SNAP25: variants seen among roughly 807,000 people sequenced by gnomAD.
SNAP25 encodes the protein synaptosome associated protein 25, also known as synaptosomal-associated protein 25.
Under a neutral mutation model 28.7 loss-of-function variants are expected in SNAP25, and 3 were observed. The observed-to-expected ratio is 0.10, with a 90% CI of 0.05 to 0.27. The LOEUF (loss-of-function observed/expected upper bound fraction) is 0.27. Among genes scored for constraint, SNAP25 ranks in the 10% least tolerant of loss-of-function variants. The probability of loss-of-function intolerance (pLI) is 1.00; values close to 1 mark genes in which losing one functional copy is unlikely to be tolerated. For synonymous variants in SNAP25, 61 were observed against 88.1 expected (o/e 0.69, Z 1.72); for missense variants, 117 against 278.7 (o/e 0.42, Z 4.13).
chr20:10,288,187 T>TA (rs1026589147), intron 4 of SNAP25, among the ~76,000 whole-genome samples: 3 of 151,872 alleles, frequency 2.0e-5, no homozygotes, highest in African/African-American at 7.2e-5. Context: ...ATTTAAAAAA[T>TA]AAATAAATAA....
chr20:10,227,512 A>G (rs1428880064), intron 1 of SNAP25, among the ~76,000 whole-genome samples: 2 of 152,150 alleles, frequency 1.3e-5, no homozygotes, highest in African/African-American at 4.8e-5. Context: ...ACCCTTGCAC[A>G]TAGATTCATC....
intron 1 of SNAP25, among the ~76,000 whole-genome samples, chr20:10,229,489 T>G (rs1347292288): frequency 3.9e-5 from 6 of 152,166 alleles, no homozygotes; most frequent in Admixed American, 1.3e-4. Context: ...GCAGAATCTG[T>G]GCTCCTAAGC....
At chr20:10,272,220 A>C (rs1893605635) in intron 1 of SNAP25, among the ~76,000 whole-genome samples, 1 of 152,202 alleles carries the variant, frequency 6.6e-6, no homozygotes, top group African/African-American at 2.4e-5. Context: ...CCTTTTTTAC[A>C]AAAAATGTTG....
intron 1 of SNAP25, among the ~76,000 whole-genome samples, chr20:10,256,702 C>A (rs1291304655): frequency 6.6e-6 from 1 of 151,930 alleles, no homozygotes; most frequent in Non-Finnish European, 1.5e-5. Flanking sequence ...TAAATATGTT[C>A]ATGATAGCCT....
At chr20:10,263,568 C>G (rs2063457354) in intron 1 of SNAP25, among the ~76,000 whole-genome samples, 1 of 152,126 alleles carries the variant, frequency 6.6e-6, no homozygotes, top group South Asian at 2.1e-4. Flanking sequence ...TGTCTGTTCA[C>G]GCACTCCTGA....
At chr20:10,236,310 C>T in intron 1 of SNAP25, among the ~76,000 whole-genome samples, 1 of 152,294 alleles carries the variant, frequency 6.6e-6, no homozygotes, top group East Asian at 1.9e-4. Flanking sequence ...ACCCAGGTAT[C>T]TGATCAATTC....
Position 10,277,690 on chromosome 20 carries a change from G to A in SNAP25, c.78G>A (p.Leu26=). ...GTTTGTTTTTTAAATCTTAGTCGCT[G>A]GAAAGCACCCGTCGTATGCTGCAAC... ...RRADQLADES[L]ESTRRMLQLV... is the part of the protein sequence containing the mutation. Residue 26 remains leucine (L), a synonymous_variant, in exon 3 of 8, where the codon CTG becomes CTA. Coordinates refer to ENST00000254976, the MANE Select transcript of SNAP25 (RefSeq NM_130811.4). 1 of 1,613,414 alleles carries A rather than the reference G, an allele frequency of 6.2e-7. No individual in the cohort carries two copies. The highest frequency in any genetic ancestry group is 1.3e-5 in the African/African-American group (1 of 75,000).
intron 1 of SNAP25, among the ~76,000 whole-genome samples, chr20:10,265,653 G>A (rs754297159): frequency 6.6e-6 from 1 of 152,198 alleles, no homozygotes; most frequent in African/African-American, 2.4e-5. Flanking sequence ...CCATGGCCCC[G>A]TGGAGCTTTC....
chr20:10,290,575 A>G (rs1457341496), intron 4 of SNAP25, among the ~76,000 whole-genome samples: 1 of 151,860 alleles, frequency 6.6e-6, no homozygotes, highest in Admixed American at 6.6e-5. Context: ...TCACATATAT[A>G]TGTTACCTCC....
chr20:10,252,060 C>T (rs1473852206), intron 1 of SNAP25, among the ~76,000 whole-genome samples: 1 of 152,210 alleles, frequency 6.6e-6, no homozygotes, highest in Non-Finnish European at 1.5e-5. Flanking sequence ...TACCACCCTC[C>T]AGTTAACAGG....
chr20:10,271,552 A>G (rs1204804865), intron 1 of SNAP25, among the ~76,000 whole-genome samples: 3 of 152,358 alleles, frequency 2.0e-5, no homozygotes, highest in Non-Finnish European at 4.4e-5. Context: ...AACCAAGGGT[A>G]TCTGCCACAT....
intron 7 of SNAP25, among the ~76,000 whole-genome samples, chr20:10,304,925 T>G (rs1254393753): frequency 6.6e-6 from 1 of 152,180 alleles, no homozygotes; most frequent in African/African-American, 2.4e-5. Flanking sequence ...GGCTATGAAA[T>G]TATTAGAGTA....
chr20:10,276,103 G>A lies in SNAP25; in HGVS notation c.72+540G>A, dbSNP rs1432470775. On this transcript the variant is annotated intron_variant, in intron 2 of 7. Transcript: ENST00000254976. ...TAGGGTGGAAATAAGGTATAATAAT[G>A]TGTTACCATGTGTCTTTCCAACTTC... Among the ~76,000 whole-genome samples the A allele has an allele frequency of 2.0e-5, 3 of 152,268 alleles. No homozygotes were observed. In the East Asian group the frequency reaches 5.8e-4, roughly 29 times the overall value.
At chr20:10,300,727 A>T (rs1336427223) in intron 7 of SNAP25, among the ~76,000 whole-genome samples, 2 of 152,220 alleles carry the variant, frequency 1.3e-5, no homozygotes, top group Admixed American at 1.3e-4. Flanking sequence ...GATCAGTATG[A>T]AAACTACGCA....
rs2064381235 is a variant in SNAP25 at position 10,307,140 on chromosome 20, T to C, written c.*943T>C. 1 of 152,520 alleles carries C rather than the reference T, an allele frequency of 6.6e-6. No individual in the cohort carries two copies. The allele number at this position is 152,520 out of a possible 1,614,324, so 9.4% of individuals were successfully genotyped here. On this transcript the variant is annotated 3_prime_UTR_variant, in exon 8 of 8. Transcript: ENST00000254976. ...GCTGTGAAACAGTGTGGATGTAAAT[T>C]TTATAAGGCTGACTCTTACTAACCA...
At chr20:10,232,340 T>G (rs1400238905) in intron 1 of SNAP25, among the ~76,000 whole-genome samples, 1 of 152,158 alleles carries the variant, frequency 6.6e-6, no homozygotes. Flanking sequence ...TGGAGTGGCA[T>G]GGAGGAATGT....
intron 1 of SNAP25, among the ~76,000 whole-genome samples, chr20:10,244,823 C>G (rs2063099018): frequency 6.6e-6 from 1 of 151,670 alleles, no homozygotes; most frequent in South Asian, 2.1e-4. Flanking sequence ...CTCCACCTCC[C>G]AGGTTCAAGC....
chr20:10,234,807 A>G (rs1406143172), intron 1 of SNAP25, among the ~76,000 whole-genome samples: 3 of 152,208 alleles, frequency 2.0e-5, no homozygotes. Context: ...TGTTCTTCCC[A>G]TGGATCCCAC....
chr20:10,271,982 C>T (rs555070551), intron 1 of SNAP25, among the ~76,000 whole-genome samples: 1 of 152,288 alleles, frequency 6.6e-6, no homozygotes, highest in South Asian at 2.1e-4. Flanking sequence ...TGTTTGTCTC[C>T]TCGTGGTACT....
Sources: allele counts gnomAD v4.1 joint callset (sites outside exome capture counted in the v4.1 genomes callset), GRCh38; gene constraint gnomAD v4.1.1; transcripts MANE v1.5; gene names NCBI Gene and HGNC (gene_info 2026-07-23, HGNC 2026-07-21).